Variants in TSPAN14 observed in about 807,000 individuals in gnomAD.
TSPAN14 encodes the protein tetraspanin 14.
TSPAN14 carries 16 observed loss-of-function variants against 36.6 expected under a neutral mutation model. That is an observed-to-expected ratio of 0.44 (90% CI 0.30 to 0.66). The LOEUF is 0.66. Among genes scored for constraint, TSPAN14 ranks in the 30% least tolerant of loss-of-function variants. The pLI, the probability that TSPAN14 is intolerant of heterozygous loss-of-function variation, is 0.12. For missense variants in TSPAN14, 231 were observed against 355.1 expected (o/e 0.65, Z 2.81); for synonymous variants, 139 against 143.8 (o/e 0.97, Z 0.24).
At chr10:80,473,114 C>T (rs1212213132) in intron 1 of TSPAN14, among the ~76,000 whole-genome samples, 1 of 152,172 alleles carries the variant, frequency 6.6e-6, no homozygotes, top group African/African-American at 2.4e-5. Context: ...AACAAAGCCT[C>T]CTGTAGCTTA....
intron 1 of TSPAN14, among the ~76,000 whole-genome samples, chr10:80,471,916 C>T (rs1212192257): frequency 2.0e-5 from 3 of 152,160 alleles, no homozygotes; most frequent in East Asian, 3.8e-4. Flanking sequence ...GTGGCTCATG[C>T]CTGTGATCCT....
intron 5 of TSPAN14, among the ~76,000 whole-genome samples, chr10:80,511,756 CTCTCTCTCTCTCT>C (rs1840657140): frequency 7.2e-6 from 1 of 138,460 alleles, no homozygotes; most frequent in Admixed American, 7.3e-5. Flanking sequence ...CTCTCTCTCT[CTCTCTCTCTCTCT>C]CTCCCCTTTT....
At chr10:80,498,531 G>A (rs1848321235) in intron 2 of TSPAN14, among the ~76,000 whole-genome samples, 1 of 152,176 alleles carries the variant, frequency 6.6e-6, no homozygotes, top group Non-Finnish European at 1.5e-5. Context: ...GTCTCCAGAA[G>A]CCCAGTAAAA....
At chr10:80,465,705 T>C (rs562745097) in intron 1 of TSPAN14, among the ~76,000 whole-genome samples, 121 of 152,344 alleles carry the variant, frequency 7.9e-4, no homozygotes, top group Admixed American at 2.6e-3. Flanking sequence ...TCCGGGTCTT[T>C]GGCAGAAAAA....
intron 1 of TSPAN14, among the ~76,000 whole-genome samples, chr10:80,485,218 A>G (rs76078465): frequency 1.3e-3 from 197 of 152,236 alleles, no homozygotes; most frequent in Non-Finnish European, 2.1e-3. Flanking sequence ...TGTGTAAGAT[A>G]AAGAGTGTTG....
exon 9 of TSPAN14, chr10:80,520,588 C>G (rs766829526): frequency 5.6e-6 from 3 of 532,418 alleles, no homozygotes; most frequent in Non-Finnish European, 7.7e-6. Flanking sequence ...CTCCTCAACC[C>G]TGGTCCACCC....
intron 1 of TSPAN14, among the ~76,000 whole-genome samples, chr10:80,457,135 C>T (rs1343356252): frequency 6.6e-6 from 1 of 152,164 alleles, no homozygotes; most frequent in Non-Finnish European, 1.5e-5. Flanking sequence ...AAACTGTGGT[C>T]CCGAGAGGTC....
At chr10:80,486,872 TTTA>T (rs1349913878) in intron 1 of TSPAN14, among the ~76,000 whole-genome samples, 1 of 152,172 alleles carries the variant, frequency 6.6e-6, no homozygotes, top group Non-Finnish European at 1.5e-5. Flanking sequence ...CAGACATGGA[TTTA>T]TGGTTGGGTA....
At chr10:80,454,669 C>T (rs1023492181) in intron 1 of TSPAN14, among the ~76,000 whole-genome samples, 2 of 152,198 alleles carry the variant, frequency 1.3e-5, no homozygotes, top group Admixed American at 1.3e-4. Context: ...CGGTAGCCCT[C>T]GCCCCATCAG....
intron 2 of TSPAN14, among the ~76,000 whole-genome samples, chr10:80,490,703 CT>C (rs1314137427): frequency 6.6e-6 from 1 of 152,034 alleles, no homozygotes; most frequent in East Asian, 1.9e-4. Context: ...GGGGATGACT[CT>C]TGACAGTTCT....
chr10:80,512,411 C>T, intron 6 of TSPAN14, 142 bp downstream of exon 6: 1 of 1,253,908 alleles, frequency 8.0e-7, no homozygotes, highest in Non-Finnish European at 1.1e-6. Context: ...CTCCTCAAGG[C>T]TGCCTCAGCT....
intron 1 of TSPAN14, among the ~76,000 whole-genome samples, chr10:80,487,350 C>G (rs1847668017): frequency 6.6e-6 from 1 of 152,046 alleles, no homozygotes; most frequent in Non-Finnish European, 1.5e-5. Context: ...GTCGGAAATG[C>G]AGATTCAAGG....
At chr10:80,478,081 T>G (rs146541425) in intron 1 of TSPAN14, among the ~76,000 whole-genome samples, 20 of 151,916 alleles carry the variant, frequency 1.3e-4, no homozygotes, top group Non-Finnish European at 2.5e-4. Context: ...AGAAAGTGCC[T>G]AATATGAAGG....
At chr10:80,501,286 CTTTTTTTTTTT>C (rs36008947) in intron 2 of TSPAN14, among the ~76,000 whole-genome samples, 2 of 120,602 alleles carry the variant, frequency 1.7e-5, no homozygotes, top group Non-Finnish European at 3.3e-5. Flanking sequence ...TTTAGAAAAC[CTTTTTTTTTTT>C]TTTTTTTTTA....
chr10:80,517,882 G>C, intron 8 of TSPAN14, 23 bp from the exon 9 acceptor site: 1 of 1,555,934 alleles, frequency 6.4e-7, no homozygotes. Context: ...AATGGCCGCT[G>C]ACTCTGCTGG....
chr10:80,496,025 C>G (rs1234230046), intron 2 of TSPAN14, among the ~76,000 whole-genome samples: 1 of 152,032 alleles, frequency 6.6e-6, no homozygotes, highest in African/African-American at 2.4e-5. Flanking sequence ...GTGGTAGTGT[C>G]TCTGTTGTTT....
chr10:80,455,543 CT>C (rs1166464655), intron 1 of TSPAN14, among the ~76,000 whole-genome samples: 2 of 152,110 alleles, frequency 1.3e-5, no homozygotes, highest in Non-Finnish European at 2.9e-5. Flanking sequence ...GCCCCTTGAC[CT>C]TGAAGTCCAG....
chr10:80,510,572 T>A (rs1840559915), intron 5 of TSPAN14, among the ~76,000 whole-genome samples: 2 of 152,196 alleles, frequency 1.3e-5, no homozygotes, highest in African/African-American at 4.8e-5. Flanking sequence ...GACTTCTTTT[T>A]CTTTTAAAAA....
At chr10:80,489,290 T>A (rs1348432227) in exon 2 of TSPAN14, 2 of 1,579,834 alleles carry the variant, frequency 1.3e-6, no homozygotes, top group African/African-American at 1.3e-5. Flanking sequence ...AGTACCTCCT[T>A]TTCAGCTACA....
Sources: gnomAD v4.1 joint callset for allele counts (sites outside exome capture counted in the v4.1 genomes callset) on GRCh38, gnomAD v4.1.1 for gene constraint, MANE v1.5 for transcripts, NCBI Gene and HGNC (gene_info 2026-07-23, HGNC 2026-07-21) for gene names.